DIP2A: variants seen among roughly 807,000 people sequenced by gnomAD.
DIP2A encodes the protein DIP2 acetate--CoA ligase A.
DIP2A carries 85 observed loss-of-function variants against 177.4 expected under a neutral mutation model. The observed-to-expected ratio is 0.48, with a 90% CI of 0.40 to 0.57. The LOEUF (loss-of-function observed/expected upper bound fraction) is 0.57. Among genes scored for constraint, DIP2A ranks in the 20% least tolerant of loss-of-function variants. DIP2A has a pLI of 0.00. For missense variants in DIP2A, 1,791 were observed against 2,100.2 expected (o/e 0.85, Z 2.88); for synonymous variants, 886 against 881.8 (o/e 1.00, Z -0.08).
At chr21:46,503,177 G>A (rs990227298) in intron 5 of DIP2A, among the ~76,000 whole-genome samples, 1 of 152,032 alleles carries the variant, frequency 6.6e-6, no homozygotes, top group Non-Finnish European at 1.5e-5. Flanking sequence ...ACAAAAATTG[G>A]CTGGGTGTGG....
chr21:46,489,295 G>T (rs2056873667), intron 2 of DIP2A, among the ~76,000 whole-genome samples: 1 of 152,354 alleles, frequency 6.6e-6, no homozygotes, highest in Non-Finnish European at 1.5e-5. Flanking sequence ...GTGCAGTGTA[G>T]GCCCAGCTCA....
In DIP2A at chr21:46,467,295, CAAA is replaced by C. The variant is rs527776306; in HGVS notation, c.91+8090_91+8092del. Among the ~76,000 whole-genome samples, 167 of 113,502 alleles carry C rather than the reference CAAA, an allele frequency of 1.5e-3. 1 individual carries two copies. Among genetic ancestry groups the C allele is most frequent in the Admixed American group, 3.1e-3 (32 of 10,280 alleles). 74.5% of individuals were successfully genotyped at this position (113,502 alleles called of 152,430 possible). ...TGGGCTACAGAGCGAGACTCCGTCT[CAAA>C]AAAAAAAAAAAAAAAATTTAAATGA... On this transcript the variant is annotated intron_variant, in intron 1 of 37. Coordinates refer to ENST00000417564, the MANE Select transcript of DIP2A (RefSeq NM_015151.4).
chr21:46,523,239 T>C (rs1211575024), intron 8 of DIP2A, among the ~76,000 whole-genome samples: 1 of 148,208 alleles, frequency 6.7e-6, no homozygotes, highest in Non-Finnish European at 1.5e-5. Context: ...TATTTATTTA[T>C]TTATTTATTT....
At chr21:46,561,863 A>G in intron 34 of DIP2A, 58 bp downstream of exon 34, 4 of 1,607,286 alleles carry the variant, frequency 2.5e-6, no homozygotes, top group Middle Eastern at 3.4e-4. Context: ...TGTCTGAAGC[A>G]TCACCCCGTG....
At chr21:46,484,528 C>G (rs1480210240) in intron 1 of DIP2A, among the ~76,000 whole-genome samples, 2 of 152,172 alleles carry the variant, frequency 1.3e-5, no homozygotes, top group African/African-American at 4.8e-5. Flanking sequence ...GCTTCTTTCA[C>G]TCAGCAGCAT....
At chr21:46,545,836 G>C in intron 19 of DIP2A, 45 bp from the exon 20 acceptor site, 1 of 1,597,556 alleles carries the variant, frequency 6.3e-7, no homozygotes, top group Non-Finnish European at 8.6e-7. Flanking sequence ...TGGCCAGTTG[G>C]TTGGTTGTCC....
chr21:46,581,533 C>G, the DIP2A span, among the ~76,000 whole-genome samples: 1 of 152,160 alleles, frequency 6.6e-6, no homozygotes, highest in Non-Finnish European at 1.5e-5. Flanking sequence ...GGCACTCTGG[C>G]TTTTTGAGTT....
At chr21:46,540,121 G>GC (rs1428788279) in intron 17 of DIP2A, 130 bp downstream of exon 17, 11 of 716,620 alleles carry the variant, frequency 1.5e-5, no homozygotes, top group Admixed American at 1.3e-4. Flanking sequence ...TTGGTGCCTG[G>GC]CCCCCCACAT....
chr21:46,559,529 C>T (rs769358633), intron 32 of DIP2A, among the ~76,000 whole-genome samples: 3 of 152,216 alleles, frequency 2.0e-5, no homozygotes, highest in Non-Finnish European at 2.9e-5. Flanking sequence ...CAGAGGAGAT[C>T]GGGCGGGAGC....
At chr21:46,539,184 C>T (rs1374846374) in intron 16 of DIP2A, 1 of 144,872 alleles carries the variant, frequency 6.9e-6, no homozygotes, top group Non-Finnish European at 1.5e-5. Flanking sequence ...TCTGGGGAAG[C>T]CTCAGGTGAT....
At chr21:46,514,778 G>A (rs2058495191) in intron 8 of DIP2A, among the ~76,000 whole-genome samples, 1 of 151,468 alleles carries the variant, frequency 6.6e-6, no homozygotes, top group African/African-American at 2.4e-5. Flanking sequence ...CTGTAGTTTT[G>A]TTTGCTTGTT....
At chr21:46,539,523 G>A (rs552549782) in intron 16 of DIP2A, 1 of 354,388 alleles carries the variant, frequency 2.8e-6, no homozygotes, top group Admixed American at 4.0e-5. Flanking sequence ...GAGTCAGAGT[G>A]TGCACCTCCT....
intron 15 of DIP2A, 119 bp from the exon 16 acceptor site, chr21:46,538,364 A>G: frequency 7.3e-7 from 1 of 1,377,272 alleles, no homozygotes; most frequent in Non-Finnish European, 9.6e-7. Flanking sequence ...CTGGGAGCTA[A>G]GTGTTGTGTC....
Position 46,510,377 on chromosome 21 carries a change from G to A in DIP2A, c.904+1001G>A, listed in dbSNP as rs571475334. ...CTGACTCAAACGTTAATCTCCTTTGGCAACACCCTCACAGACACACCCAGG... is the reference window on the plus strand; with the variant it reads ...CTGACTCAAACGTTAATCTCCTTTGACAACACCCTCACAGACACACCCAGG... On this transcript the variant is annotated intron_variant, in intron 7 of 37. Transcript: ENST00000417564. 2.9e-4 allele frequency among the ~76,000 whole-genome samples: 44 copies of A among 152,096 alleles called. No individual in the cohort carries two copies. The South Asian group carries it at 9.1e-3, about 32-fold the overall frequency.
intron 1 of DIP2A, among the ~76,000 whole-genome samples, chr21:46,475,274 T>A (rs1453739736): frequency 6.6e-6 from 1 of 152,260 alleles, no homozygotes; most frequent in East Asian, 1.9e-4. Flanking sequence ...AAAAACATTC[T>A]TCCATTAAAT....
chr21:46,579,341 T>C, the DIP2A span, among the ~76,000 whole-genome samples: 59,654 of 151,906 alleles, frequency 0.39, 12,879 homozygotes, highest in African/African-American at 0.58. Context: ...TTTGATTCTT[T>C]TCACTTTTCT....
intron 7 of DIP2A, 51 bp downstream of exon 7, chr21:46,509,427 A>G: frequency 6.4e-7 from 1 of 1,564,408 alleles, no homozygotes; most frequent in Admixed American, 1.9e-5. Context: ...AAGGGTGGCC[A>G]CGAAGTTGAG....
chr21:46,563,710 T>G lies in DIP2A; in HGVS notation c.4090-148T>G. ...ATTTCTTTCAAAATTCAAAGTCAAA[T>G]TTGGAGCGGCCTCTAAACTTCCTGA... On this transcript the variant is annotated intron_variant, in intron 34 of 37. Coordinates refer to ENST00000417564, the MANE Select transcript of DIP2A (RefSeq NM_015151.4). This position sits in a 1 kb window ranked among gnomAD's most constrained non-coding sequence, Gnocchi z 4.3. 1 of 1,365,302 alleles carries G rather than the reference T, an allele frequency of 7.3e-7. No homozygotes were observed. Among genetic ancestry groups the G allele is most frequent in the Non-Finnish European group, 9.6e-7 (1 of 1,041,284 alleles). 84.6% of individuals were successfully genotyped at this position (1,365,302 alleles called of 1,614,324 possible).
At chr21:46,468,261 CAAA>C (rs1207842729) in intron 1 of DIP2A, among the ~76,000 whole-genome samples, 6 of 87,844 alleles carry the variant, frequency 6.8e-5, no homozygotes, top group Admixed American at 1.4e-4. Context: ...GAGACTGTCT[CAAA>C]AAAAAAAAAA....
Sources: gnomAD v4.1 joint callset for allele counts (sites outside exome capture counted in the v4.1 genomes callset) on GRCh38, gnomAD v4.1.1 for gene constraint, Gnocchi (gnomAD v3.1) non-coding constraint, MANE v1.5 for transcripts, NCBI Gene and HGNC (gene_info 2026-07-23, HGNC 2026-07-21) for gene names.